The following NANOGNB variants were observed in gnomAD, a reference collection of about 807,000 sequenced individuals.
The protein encoded by NANOGNB is homeobox C14.
In NANOGNB, 30 loss-of-function variants were observed where a neutral mutation model predicts 25.0. The observed-to-expected ratio is 1.20, with a 90% CI of 0.90 to 1.63. The LOEUF is 1.63. Ranked by LOEUF, NANOGNB falls within the 40% of genes most tolerant of loss-of-function variation. The pLI is 0.00. For missense variants in NANOGNB, 200 were observed against 188.1 expected, an observed-to-expected ratio of 1.06 and a Z score of -0.37; for synonymous variants, 84 against 62.1, an observed-to-expected ratio of 1.35 and a Z score of -1.66.
intron 1 of NANOGNB, chr12:7,765,975 G>C: frequency 2.5e-6 from 1 of 394,866 alleles, no homozygotes; most frequent in Non-Finnish European, 4.5e-6. Flanking sequence ...GAGGTGAAGG[G>C]ATTTAACCTT....
intron 3 of NANOGNB, among the ~76,000 whole-genome samples, chr12:7,773,099 T>C (rs1862599139): frequency 6.7e-6 from 1 of 150,110 alleles, no homozygotes; most frequent in Non-Finnish European, 1.5e-5. Context: ...TAGTGTCCTC[T>C]ATTAAAATCC....
At chr12:7,765,677 G>A (rs893344600) in intron 1 of NANOGNB, among the ~76,000 whole-genome samples, 2 of 151,726 alleles carry the variant, frequency 1.3e-5, no homozygotes, top group Non-Finnish European at 2.9e-5. Context: ...GGGAAGAAGT[G>A]AAAGACAGCA....
intron 1 of NANOGNB, among the ~76,000 whole-genome samples, chr12:7,765,843 T>C (rs1368518148): frequency 6.6e-6 from 1 of 151,920 alleles, no homozygotes; most frequent in African/African-American, 2.4e-5. Context: ...AGCAGAGATA[T>C]TGAATTGGGA....
chr12:7,769,575 G>A (rs987767648), intron 1 of NANOGNB, among the ~76,000 whole-genome samples: 3 of 151,662 alleles, frequency 2.0e-5, no homozygotes, highest in African/African-American at 4.8e-5. Context: ...CACCCACCTC[G>A]GCCTCCCAAA....
Position 7,770,477 on chromosome 12 carries a change from TAAAG to T in NANOGNB, c.478_481del (p.Glu160CysfsTer11), listed in dbSNP as rs1865283405. ...TTTGTAAAACGAGGAAGAAATATAA[TAAAG>T]AAATGTCCAAGAGAAAGCATAAGAA... On this transcript the variant is annotated frameshift_variant, in exon 3 of 4. Coordinates refer to ENST00000382119, the MANE Select transcript of NANOGNB (RefSeq NM_001145465.1). LOFTEE classifies it high-confidence loss of function. 2 of 1,530,324 alleles carry T rather than the reference TAAAG, an allele frequency of 1.3e-6. No homozygotes were observed. The highest frequency in any genetic ancestry group is 1.8e-6 in the Non-Finnish European group (2 of 1,129,844). 94.8% of individuals were successfully genotyped at this position (1,530,324 alleles called of 1,614,324 possible). A position where few individuals can be genotyped will look rare whatever the true frequency, so the allele number is the denominator to read the frequency against.
At position 7,770,135 on chromosome 12, in the gene NANOGNB, G is replaced by A. The variant is rs968413945; in HGVS notation, c.255G>A (p.Leu85=). The A allele has an allele frequency of 1.2e-5, 19 of 1,544,884 alleles. No individual in the cohort carries two copies. The Admixed American group carries it at 3.1e-4, about 26-fold the overall frequency. Residue 85 remains leucine (L), a synonymous_variant, in exon 2 of 4, where the codon CTG becomes CTA. Transcript: ENST00000382119. ...REKEEKNEKE[L]QDEQENKRKR... The stretch of plus-strand genomic sequence containing the variant: ...AAGAAGAAAAAAACGAAAAGGAGCT[G>A]CAAGATGAACAGGAAAACAAAAGGA...
chr12:7,771,009 T>C (rs886093753), intron 3 of NANOGNB, among the ~76,000 whole-genome samples: 2 of 152,224 alleles, frequency 1.3e-5, no homozygotes, highest in African/African-American at 2.4e-5. Context: ...CACTCACATA[T>C]GCATGCCACC....
intron 1 of NANOGNB, among the ~76,000 whole-genome samples, chr12:7,767,759 T>C (rs1417847719): frequency 6.9e-6 from 1 of 144,494 alleles, no homozygotes; most frequent in Admixed American, 7.0e-5. Context: ...TTTTTCCTCT[T>C]TTTTTTTTTT....
intron 3 of NANOGNB, among the ~76,000 whole-genome samples, chr12:7,772,271 A>G (rs1408267864): frequency 2.0e-5 from 3 of 151,946 alleles, no homozygotes; most frequent in Non-Finnish European, 4.4e-5. Context: ...ATAAGCCAGC[A>G]CAGGTTACAT....
rs1565471636 is a variant in NANOGNB, at chr12:7,770,150, A to G, written c.270A>G (p.Glu90=). 1.5e-5 allele frequency: 23 copies of G among 1,549,886 alleles called. No homozygotes were observed. The highest frequency in any genetic ancestry group is 1.9e-5 in the Non-Finnish European group (22 of 1,145,416). Residue 90 remains glutamate (E), a synonymous_variant, in exon 2 of 4, where the codon GAA becomes GAG. Coordinates refer to ENST00000382119, the MANE Select transcript of NANOGNB (RefSeq NM_001145465.1). The part of the protein sequence containing the change: ...KNEKELQDEQ[E]NKRKRENEKQ... Reference sequence around the variant, plus strand: ...AAAAGGAGCTGCAAGATGAACAGGAAAACAAAAGGAAAAGGGAAAATGAGA... The same window carrying G: ...AAAAGGAGCTGCAAGATGAACAGGAGAACAAAAGGAAAAGGGAAAATGAGA...
At chr12:7,770,920 CTTT>C (rs908643881) in intron 3 of NANOGNB, among the ~76,000 whole-genome samples, 34 of 152,092 alleles carry the variant, frequency 2.2e-4, no homozygotes, top group Admixed American at 2.0e-3. Context: ...TGCCCATAAA[CTTT>C]TTAATGTTCC....
intron 1 of NANOGNB, among the ~76,000 whole-genome samples, chr12:7,765,752 G>GT (rs1865240362): frequency 1.3e-5 from 2 of 152,014 alleles, no homozygotes; most frequent in Admixed American, 1.3e-4. Context: ...AGAGGCCTGA[G>GT]TGGGTCAGCG....
At position 7,773,839 on chromosome 12, in the gene NANOGNB, T is replaced by A; in HGVS notation, c.555T>A (p.Pro185=). The A allele has an allele frequency of 1.6e-6, 1 of 626,210 alleles. No homozygotes were observed. The highest frequency in any genetic ancestry group is 2.8e-6 in the Non-Finnish European group (1 of 355,072). 38.8% of individuals were successfully genotyped at this position (626,210 alleles called of 1,614,324 possible). The change falls in exon 4 of 4, where the codon CCT becomes CCA. Residue 185 remains proline, a synonymous_variant. Coordinates refer to ENST00000382119, the MANE Select transcript of NANOGNB (RefSeq NM_001145465.1). ...GTTGCCAAGGCTGGTCTCGAACTCC[T>A]GCCCTCAAGTGATCTTCCTATTTTG... ...SLCCQGWSRT[P]ALK
intron 3 of NANOGNB, among the ~76,000 whole-genome samples, chr12:7,773,192 A>G (rs2120523764): frequency 6.7e-6 from 1 of 148,276 alleles, no homozygotes; most frequent in African/African-American, 2.5e-5. Context: ...CCCAGGTTAC[A>G]GTGATCCTCC....
chr12:7,770,033 T>G lies in NANOGNB; in HGVS notation c.153T>G (p.Asn51Lys). The G allele has an allele frequency of 1.3e-6, 2 of 1,534,388 alleles. No homozygotes were observed. The highest frequency in any genetic ancestry group is 2.5e-5 in the South Asian group (2 of 80,050). Reference sequence around the variant, plus strand: ...AAGATCCAGAACAATCAACTGGAAATTACAGTGAAGATGAACAAAATGGAA... The same window carrying G: ...AAGATCCAGAACAATCAACTGGAAAGTACAGTGAAGATGAACAAAATGGAA... Reference protein sequence around the residue: ...WDQDPEQSTGNYSEDEQNGKQ... With the variant: ...WDQDPEQSTGKYSEDEQNGKQ... Residue 51 changes from asparagine to lysine, a missense_variant, in exon 2 of 4, where the codon AAT becomes AAG. Transcript: ENST00000382119.
chr12:7,770,699 G>A (rs939124676), intron 3 of NANOGNB, among the ~76,000 whole-genome samples, 181 bp downstream of exon 3: 1 of 151,816 alleles, frequency 6.6e-6, no homozygotes, highest in Admixed American at 6.6e-5. Flanking sequence ...CGCACCCTCC[G>A]CCTCCCAGGT....
At chr12:7,766,624 G>T (rs192982001) in intron 1 of NANOGNB, among the ~76,000 whole-genome samples, 3 of 152,296 alleles carry the variant, frequency 2.0e-5, no homozygotes, top group African/African-American at 7.2e-5. Flanking sequence ...CTGTTGCCCA[G>T]GCTGGAGTGG....
intron 3 of NANOGNB, among the ~76,000 whole-genome samples, chr12:7,770,803 G>C (rs1213628069): frequency 6.6e-6 from 1 of 152,078 alleles, no homozygotes; most frequent in Non-Finnish European, 1.5e-5. Flanking sequence ...GTGGAGACGG[G>C]GTTTCTCCAT....
At chr12:7,769,091 C>G (rs1592110035) in intron 1 of NANOGNB, among the ~76,000 whole-genome samples, 1 of 152,286 alleles carries the variant, frequency 6.6e-6, no homozygotes, top group East Asian at 1.9e-4. Context: ...TTCCAGCCAT[C>G]CTTTCGGACT....
Sources: gnomAD v4.1 joint callset for allele counts (sites outside exome capture counted in the v4.1 genomes callset) on GRCh38, gnomAD v4.1.1 for gene constraint, MANE v1.5 for transcripts, NCBI Gene and HGNC (gene_info 2026-07-23, HGNC 2026-07-21) for gene names.